The following LARGE1 variants were observed in gnomAD, a reference collection of about 807,000 sequenced individuals.
LARGE1 encodes LARGE xylosyl- and glucuronyltransferase 1.
A neutral mutation model predicts 87.6 loss-of-function variants in LARGE1; 43 were observed. The observed-to-expected ratio is 0.49, with a 90% CI of 0.38 to 0.63. The LOEUF is 0.63. LARGE1 is among the 30% of genes least tolerant of loss of function. LARGE1 has a pLI of 0.00. For missense variants in LARGE1, 802 were observed against 1,000.2 expected, an observed-to-expected ratio of 0.80 and a Z score of 2.67; for synonymous variants, 434 against 394.6, an observed-to-expected ratio of 1.10 and a Z score of -1.18.
chr22:33,225,726 A>AC (rs1256718853), intron 11 of LARGE1, among the ~76,000 whole-genome samples: 1 of 151,996 alleles, frequency 6.6e-6, no homozygotes, highest in Non-Finnish European at 1.5e-5. Context: ...TCCACCCTCA[A>AC]CTAGGCCCCA....
At chr22:33,835,223 G>A (rs1033075991) in intron 1 of LARGE1, among the ~76,000 whole-genome samples, 2 of 152,198 alleles carry the variant, frequency 1.3e-5, no homozygotes, top group African/African-American at 4.8e-5. Context: ...TACTGCTAGA[G>A]AAGCATTCAC....
chr22:33,610,270 TTC>T (rs1415170574), intron 4 of LARGE1, among the ~76,000 whole-genome samples: 2 of 152,210 alleles, frequency 1.3e-5, no homozygotes, highest in Non-Finnish European at 2.9e-5. Context: ...AGTCTGGAAC[TTC>T]TTATAGACTG....
intron 2 of LARGE1, among the ~76,000 whole-genome samples, chr22:33,654,458 C>G (rs1464815212): frequency 1.3e-5 from 2 of 152,220 alleles, no homozygotes; most frequent in African/African-American, 4.8e-5. Flanking sequence ...ACCGCATGAT[C>G]AGAAGTGAAT....
At chr22:33,201,435 G>A (rs1350005732) in intron 11 of LARGE1, among the ~76,000 whole-genome samples, 4 of 93,174 alleles carry the variant, frequency 4.3e-5, no homozygotes, top group Admixed American at 9.7e-5. Flanking sequence ...AAGGAAAGAA[G>A]GAAGGAAGGA....
chr22:33,451,448 G>A (rs1257003896), intron 6 of LARGE1, among the ~76,000 whole-genome samples: 2 of 151,722 alleles, frequency 1.3e-5, no homozygotes, highest in Non-Finnish European at 2.9e-5. Flanking sequence ...AGATTTTGGT[G>A]CACCCATCAC....
chr22:33,874,711 G>A (rs150634906), intron 1 of LARGE1, among the ~76,000 whole-genome samples: 2,560 of 152,296 alleles, frequency 0.017, 34 homozygotes, highest in Non-Finnish European at 0.027. Flanking sequence ...GTCTTTGAAA[G>A]TTCAGGCCAG....
At chr22:33,796,393 G>T (rs1032784470) in intron 1 of LARGE1, among the ~76,000 whole-genome samples, 2 of 152,164 alleles carry the variant, frequency 1.3e-5, no homozygotes, top group African/African-American at 4.8e-5. Flanking sequence ...CCACTGACCA[G>T]CGTCGCCGAC....
Position 33,274,375 on chromosome 22 carries a change from G to C in LARGE1, c.*52C>G, listed in dbSNP as rs941695219. On this transcript the variant is annotated 3_prime_UTR_variant, in exon 15 of 15. Coordinates refer to ENST00000397394, the MANE Select transcript of LARGE1 (RefSeq NM_133642.5). The stretch of plus-strand genomic sequence containing the variant: ...ATTTGAAGGCCGGGCCCCAAACAGC[G>C]AGTGGCACTTCCCCTACAGCATGTC... The C allele has an allele frequency of 7.0e-6, 11 of 1,570,002 alleles. No homozygotes were observed. The African/African-American group carries it at 1.4e-4, about 19-fold the overall frequency.
intron 9 of LARGE1, among the ~76,000 whole-genome samples, chr22:33,350,509 C>T (rs1349694680): frequency 5.3e-5 from 8 of 152,176 alleles, no homozygotes; most frequent in African/African-American, 1.9e-4. Flanking sequence ...CAGATCCCAC[C>T]TCTAGAGGTT....
chr22:33,634,701 T>A lies in LARGE1; in HGVS notation c.409-8375A>T, dbSNP rs1186508216. ...ATAATAATAATAATAATAATAATAA[T>A]AAAAACCCCTGGAAATCCAGAGAGC... On this transcript the variant is annotated intron_variant, in intron 3 of 14. Transcript: ENST00000397394. Among the ~76,000 whole-genome samples the A allele has an allele frequency of 5.3e-5, 8 of 149,538 alleles. No homozygotes were observed. The South Asian group carries it at 8.4e-4, about 16-fold the overall frequency.
At chr22:33,787,907 A>G (rs574044157) in intron 1 of LARGE1, among the ~76,000 whole-genome samples, 6 of 152,338 alleles carry the variant, frequency 3.9e-5, no homozygotes, top group Non-Finnish European at 8.8e-5. Context: ...AAACTTCTTA[A>G]TATCTTTAAT....
intron 11 of LARGE1, among the ~76,000 whole-genome samples, chr22:33,193,902 TTATATATTATATATGTTA>T (rs1923926986): frequency 7.0e-6 from 1 of 142,158 alleles, no homozygotes. Flanking sequence ...TATATATGTT[TTATATATTATATATGTTA>T]TATATATTAA....
chr22:33,247,373 TAAG>T (rs1926813815), intron 11 of LARGE1, among the ~76,000 whole-genome samples: 1 of 152,196 alleles, frequency 6.6e-6, no homozygotes, highest in Non-Finnish European at 1.5e-5. Flanking sequence ...TAGAATGTCT[TAAG>T]AAGACCAAGC....
chr22:33,240,634 C>T (rs546980743), intron 11 of LARGE1, among the ~76,000 whole-genome samples: 7 of 152,224 alleles, frequency 4.6e-5, no homozygotes, highest in Non-Finnish European at 8.8e-5. Context: ...TTCAATATTG[C>T]TTTGCTTTTT....
chr22:33,528,255 C>T (rs1017711704), intron 6 of LARGE1, among the ~76,000 whole-genome samples: 5 of 152,028 alleles, frequency 3.3e-5, no homozygotes, highest in African/African-American at 1.2e-4. Context: ...CATAAAGGGT[C>T]GCAGCCTGCA....
At chr22:33,066,891 G>A in the LARGE1 span, among the ~76,000 whole-genome samples, 1 of 152,152 alleles carries the variant, frequency 6.6e-6, no homozygotes, top group Non-Finnish European at 1.5e-5. Context: ...CTGAACTCCA[G>A]CCATCTGGCC....
rs139601192 is a variant in LARGE1 at position 33,705,826 on chromosome 22, G to A, written c.107-55158C>T. Among the ~76,000 whole-genome samples the A allele has an allele frequency of 3.9e-5, 6 of 152,280 alleles. No homozygotes were observed. The South Asian group carries it at 6.2e-4, about 16-fold the overall frequency. ...AGGCAATAAACATGATAATGTTTTC[G>A]ATGATGATAATAGCACCTACCTACT... is the stretch of plus-strand genomic sequence containing the variant. On this transcript the variant is annotated intron_variant, in intron 2 of 14. Coordinates refer to ENST00000397394, the MANE Select transcript of LARGE1 (RefSeq NM_133642.5).
chr22:33,182,192 T>C (rs190913248), intron 11 of LARGE1, among the ~76,000 whole-genome samples: 110 of 152,320 alleles, frequency 7.2e-4, no homozygotes, highest in Admixed American at 1.1e-3. Context: ...TAAGGTAAAA[T>C]ATAAGTAGTC....
chr22:33,357,180 T>A, intron 9 of LARGE1, among the ~76,000 whole-genome samples: 1 of 152,178 alleles, frequency 6.6e-6, no homozygotes, highest in Non-Finnish European at 1.5e-5. Context: ...ATATGAATAC[T>A]ATTCAGCCAT....
Sources: gnomAD v4.1 joint callset for allele counts (sites outside exome capture counted in the v4.1 genomes callset) on GRCh38, gnomAD v4.1.1 for gene constraint, MANE v1.5 for transcripts, NCBI Gene and HGNC (gene_info 2026-07-23, HGNC 2026-07-21) for gene names.